Variants in ACACA observed in about 807,000 individuals in gnomAD.
ACACA encodes acetyl-CoA carboxylase 1.
ACACA carries 103 observed loss-of-function variants against 296.1 expected under a neutral mutation model. The observed-to-expected ratio is 0.35, with a 90% CI of 0.30 to 0.41. ACACA has a LOEUF of 0.41. ACACA is among the 10% of genes least tolerant of loss of function. The pLI, the probability that ACACA is intolerant of heterozygous loss-of-function variation, is 1.00. For synonymous variants in ACACA, 953 were observed against 1,038.6 expected (o/e 0.92, Z 1.58); for missense variants, 1,554 against 2,989.7 (o/e 0.52, Z 11.20).
intron 14 of ACACA, among the ~76,000 whole-genome samples, chr17:37,253,554 A>G (rs2081091830): frequency 6.6e-6 from 1 of 152,168 alleles, no homozygotes; most frequent in South Asian, 2.1e-4. Context: ...AAGTCAGAAA[A>G]CGTATGAATT....
At chr17:37,194,360 G>A (rs114743306) in intron 35 of ACACA, among the ~76,000 whole-genome samples, 3,162 of 152,096 alleles carry the variant, frequency 0.021, 106 homozygotes, top group African/African-American at 0.072. Context: ...ATCTTCTGGT[G>A]GCAGGTACTC....
intron 1 of ACACA, among the ~76,000 whole-genome samples, chr17:37,351,498 G>A (rs2048901685): frequency 6.6e-6 from 1 of 152,060 alleles, no homozygotes; most frequent in Admixed American, 6.6e-5. Context: ...ATAAAATGTT[G>A]AACCACATGA....
intron 29 of ACACA, among the ~76,000 whole-genome samples, chr17:37,212,992 G>A (rs563561041): frequency 5.3e-5 from 8 of 151,420 alleles, no homozygotes; most frequent in Admixed American, 5.2e-4. Context: ...AATAAAATTT[G>A]CCACATTCCA....
chr17:37,395,322 C>T (rs1413102322), intron 1 of ACACA, among the ~76,000 whole-genome samples: 1 of 150,138 alleles, frequency 6.7e-6, no homozygotes, highest in Non-Finnish European at 1.5e-5. Context: ...CCCAGCTACT[C>T]GGGAGGCTAA....
chr17:37,092,775 C>T (rs143930231), intron 54 of ACACA, among the ~76,000 whole-genome samples: 1 of 152,328 alleles, frequency 6.6e-6, no homozygotes, highest in African/African-American at 2.4e-5. Flanking sequence ...CCATTTCTGA[C>T]CTTCTAGACT....
intron 1 of ACACA, chr17:37,391,836 CA>C: frequency 1.0e-6 from 1 of 972,058 alleles, no homozygotes; most frequent in South Asian, 1.4e-5. Flanking sequence ...ACATTACAAT[CA>C]AACACCAATT....
At chr17:37,187,733 T>C (rs2077592205) in intron 39 of ACACA, among the ~76,000 whole-genome samples, 2 of 152,140 alleles carry the variant, frequency 1.3e-5, no homozygotes, top group African/African-American at 2.4e-5. Context: ...AACAACATAA[T>C]AGATAACACA....
chr17:37,388,643 C>T (rs776669509), intron 1 of ACACA: 2 of 1,605,634 alleles, frequency 1.2e-6, no homozygotes, highest in East Asian at 2.2e-5. Flanking sequence ...TTCTTTTCTC[C>T]CTCTTCCACT....
At chr17:37,372,212 G>T (rs2049832205) in intron 1 of ACACA, among the ~76,000 whole-genome samples, 1 of 152,070 alleles carries the variant, frequency 6.6e-6, no homozygotes, top group African/African-American at 2.4e-5. Context: ...AGGAGATCAA[G>T]ACCATCCTGG....
At chr17:37,260,751 A>T (rs1241117653) in intron 11 of ACACA, among the ~76,000 whole-genome samples, 2 of 152,174 alleles carry the variant, frequency 1.3e-5, no homozygotes, top group South Asian at 4.1e-4. Context: ...AAAGGAAAAG[A>T]AAAGAAAGAA....
At chr17:37,309,005 A>G (rs2084008528) in intron 3 of ACACA, among the ~76,000 whole-genome samples, 1 of 152,172 alleles carries the variant, frequency 6.6e-6, no homozygotes, top group African/African-American at 2.4e-5. Flanking sequence ...CCATTTATTC[A>G]CAAGTATTTA....
At chr17:37,168,321 T>A (rs2076759739) in intron 41 of ACACA, among the ~76,000 whole-genome samples, 1 of 152,170 alleles carries the variant, frequency 6.6e-6, no homozygotes, top group African/African-American at 2.4e-5. Context: ...AGGTGATAAT[T>A]ATTGGGATGA....
intron 1 of ACACA, among the ~76,000 whole-genome samples, chr17:37,367,226 G>GAA (rs1179320113): frequency 8.1e-5 from 8 of 98,408 alleles, no homozygotes; most frequent in African/African-American, 2.6e-4. Context: ...ATTGGAAAAA[G>GAA]AAAAAAAAAA....
intron 39 of ACACA, among the ~76,000 whole-genome samples, chr17:37,184,174 T>A (rs187963320): frequency 3.9e-5 from 6 of 152,244 alleles, no homozygotes; most frequent in African/African-American, 1.4e-4. Flanking sequence ...TATCCATAAT[T>A]TGAATATGGA....
At chr17:37,172,424 T>C (rs892798323) in intron 41 of ACACA, among the ~76,000 whole-genome samples, 7 of 152,302 alleles carry the variant, frequency 4.6e-5, no homozygotes, top group Non-Finnish European at 8.8e-5. Flanking sequence ...TGTCAGAAAT[T>C]CATTAGAAGT....
intron 1 of ACACA, among the ~76,000 whole-genome samples, chr17:37,341,357 C>T (rs1568022253): frequency 6.6e-6 from 1 of 152,036 alleles, no homozygotes; most frequent in East Asian, 1.9e-4. Flanking sequence ...ATATATAGGT[C>T]ATGATGTAAA....
intron 43 of ACACA, among the ~76,000 whole-genome samples, chr17:37,152,611 G>C (rs2076089068): frequency 6.6e-6 from 1 of 152,192 alleles, no homozygotes; most frequent in Admixed American, 6.5e-5. Context: ...TGTGGATCTA[G>C]TGGGAGTCAC....
At chr17:37,132,368 G>C (rs1211336629) in intron 45 of ACACA, among the ~76,000 whole-genome samples, 1 of 152,136 alleles carries the variant, frequency 6.6e-6, no homozygotes. Context: ...GTTGATGCGG[G>C]AGCCTGGTAG....
chr17:37,095,467 A>G (rs576178152), intron 54 of ACACA, among the ~76,000 whole-genome samples: 15 of 152,252 alleles, frequency 9.9e-5, no homozygotes, highest in Non-Finnish European at 2.1e-4. Flanking sequence ...GAATCCTAGA[A>G]GCACCCCAAT....
Sources: gnomAD v4.1 joint callset for allele counts (sites outside exome capture counted in the v4.1 genomes callset) on GRCh38, gnomAD v4.1.1 for gene constraint, MANE v1.5 for transcripts, NCBI Gene and HGNC (gene_info 2026-07-23, HGNC 2026-07-21) for gene names.